Variants in SPRED1 observed in about 807,000 individuals in gnomAD.
SPRED1 encodes sprouty related EVH1 domain containing 1, also known as sprouty-related, EVH1 domain-containing protein 1.
A neutral mutation model predicts 52.3 loss-of-function variants in SPRED1; 18 were observed. The ratio of observed to expected loss-of-function variants is 0.34; its 90% CI spans 0.24 to 0.51. The LOEUF (loss-of-function observed/expected upper bound fraction) is 0.51. Among genes scored for constraint, SPRED1 ranks in the 20% least tolerant of loss-of-function variants. The pLI is 0.97. For missense variants in SPRED1, 485 were observed against 551.0 expected (o/e 0.88, Z 1.20); for synonymous variants, 155 against 179.7 (o/e 0.86, Z 1.10).
chr15:38,304,890 T>C (rs1895219083), intron 2 of SPRED1, among the ~76,000 whole-genome samples: 1 of 152,226 alleles, frequency 6.6e-6, no homozygotes, highest in Non-Finnish European at 1.5e-5. Context: ...ATTGTTTTCT[T>C]TTTTAATTTA....
chr15:38,340,691 C>T (rs73400407), intron 5 of SPRED1, among the ~76,000 whole-genome samples: 2 of 152,020 alleles, frequency 1.3e-5, no homozygotes, highest in Non-Finnish European at 2.9e-5. Flanking sequence ...TGCCACCACA[C>T]GTGGCTAATT....
intron 2 of SPRED1, among the ~76,000 whole-genome samples, chr15:38,300,198 T>C (rs1463809893): frequency 6.6e-6 from 1 of 152,176 alleles, no homozygotes; most frequent in South Asian, 2.1e-4. Context: ...GATAATGTTA[T>C]TTGCTCTTTT....
intron 1 of SPRED1, among the ~76,000 whole-genome samples, chr15:38,273,229 T>C (rs1353058089): frequency 6.6e-6 from 1 of 152,206 alleles, no homozygotes; most frequent in East Asian, 1.9e-4. Context: ...GCTAGCCATA[T>C]GCAGAAGAAT....
At chr15:38,292,616 C>T (rs1372855423) in intron 1 of SPRED1, among the ~76,000 whole-genome samples, 1 of 152,168 alleles carries the variant, frequency 6.6e-6, no homozygotes, top group Non-Finnish European at 1.5e-5. Flanking sequence ...CCCATCAGAT[C>T]TCATGAGACT....
At chr15:38,267,654 A>T (rs867789925) in intron 1 of SPRED1, among the ~76,000 whole-genome samples, 1 of 152,200 alleles carries the variant, frequency 6.6e-6, no homozygotes, top group Admixed American at 6.5e-5. Context: ...CATTTCATGC[A>T]TTTAGTCTTT....
intron 1 of SPRED1, 69 bp from the exon 2 acceptor site, chr15:38,299,304 A>G: frequency 1.3e-6 from 2 of 1,546,152 alleles, no homozygotes; most frequent in Non-Finnish European, 1.8e-6. Context: ...GGTTTCTCAA[A>G]CAAGACTGAT....
At chr15:38,297,102 C>G (rs1370056620) in intron 1 of SPRED1, among the ~76,000 whole-genome samples, 4 of 152,308 alleles carry the variant, frequency 2.6e-5, no homozygotes, top group Non-Finnish European at 4.4e-5. Context: ...AGCCTCTGGA[C>G]TTTCAAGCCT....
chr15:38,274,932 C>T (rs1429675632), intron 1 of SPRED1, among the ~76,000 whole-genome samples: 2 of 152,186 alleles, frequency 1.3e-5, no homozygotes, highest in African/African-American at 4.8e-5. Flanking sequence ...AAATTTTCAT[C>T]ATTTGGTTAA....
intron 2 of SPRED1, among the ~76,000 whole-genome samples, chr15:38,310,632 A>AT (rs1161552942): frequency 6.6e-6 from 1 of 152,044 alleles, no homozygotes; most frequent in Non-Finnish European, 1.5e-5. Context: ...ACATTTTGTG[A>AT]TTTTCAACAC....
chr15:38,327,551 A>G (rs1895730019), intron 4 of SPRED1, among the ~76,000 whole-genome samples: 1 of 152,202 alleles, frequency 6.6e-6, no homozygotes, highest in African/African-American at 2.4e-5. Context: ...GGAGAGATGT[A>G]TGAAGAGATC....
intron 2 of SPRED1, among the ~76,000 whole-genome samples, chr15:38,308,013 T>C (rs1156799991): frequency 6.6e-6 from 1 of 152,180 alleles, no homozygotes; most frequent in Non-Finnish European, 1.5e-5. Context: ...ATATCTATTT[T>C]CTTTGGGAAT....
At chr15:38,320,234 C>G (rs1895574868) in intron 2 of SPRED1, among the ~76,000 whole-genome samples, 1 of 152,100 alleles carries the variant, frequency 6.6e-6, no homozygotes, top group African/African-American at 2.4e-5. Context: ...GCAGACCTCC[C>G]CTCCAAAAGT....
chr15:38,316,505 A>G (rs1285492761), intron 2 of SPRED1, among the ~76,000 whole-genome samples: 2 of 151,920 alleles, frequency 1.3e-5, no homozygotes, highest in Non-Finnish European at 2.9e-5. Context: ...ATTTGTTAAG[A>G]TCTGTGTTGG....
At position 38,330,563 on chromosome 15, in the gene SPRED1, A is replaced by G. The variant is rs116927166; in HGVS notation, c.423+5754A>G. Among the ~76,000 whole-genome samples, 863 of 152,090 alleles carry G rather than the reference A, an allele frequency of 5.7e-3. 19 individuals are homozygous for G. In the East Asian group the frequency reaches 0.06, roughly 11 times the overall value. On this transcript the variant is annotated intron_variant, in intron 4 of 6. Coordinates refer to ENST00000299084, the MANE Select transcript of SPRED1 (RefSeq NM_152594.3). ...AGAGTAATTTTTTTCCTTTTTTTCT[A>G]TGGTTCCTAAGCTAGCATAATTTGA...
At chr15:38,284,415 A>G (rs1261036529) in intron 1 of SPRED1, among the ~76,000 whole-genome samples, 1 of 152,180 alleles carries the variant, frequency 6.6e-6, no homozygotes, top group Non-Finnish European at 1.5e-5. Flanking sequence ...AGATTGCTGT[A>G]TAAGATGTAA....
At chr15:38,276,109 C>T (rs1894546703) in intron 1 of SPRED1, among the ~76,000 whole-genome samples, 1 of 151,862 alleles carries the variant, frequency 6.6e-6, no homozygotes, top group South Asian at 2.1e-4. Context: ...ATTGCAGTGC[C>T]AGAAATATTT....
chr15:38,269,780 C>A (rs1232763442), intron 1 of SPRED1, among the ~76,000 whole-genome samples: 1 of 152,034 alleles, frequency 6.6e-6, no homozygotes, highest in Non-Finnish European at 1.5e-5. Flanking sequence ...AGTTATTTGG[C>A]TGTACTTGAA....
chr15:38,349,006 C>T (rs1896198339), intron 5 of SPRED1, among the ~76,000 whole-genome samples: 1 of 152,020 alleles, frequency 6.6e-6, no homozygotes, highest in Non-Finnish European at 1.5e-5. Flanking sequence ...AATTCCATAT[C>T]ACTTCCCAAA....
intron 3 of SPRED1, among the ~76,000 whole-genome samples, chr15:38,322,738 A>T (rs981733729): frequency 1.3e-5 from 2 of 152,212 alleles, no homozygotes; most frequent in Non-Finnish European, 2.9e-5. Context: ...CCCAGTTGGT[A>T]TTCTACTTGT....
Sources: gnomAD v4.1 joint callset for allele counts (sites outside exome capture counted in the v4.1 genomes callset) on GRCh38, gnomAD v4.1.1 for gene constraint, MANE v1.5 for transcripts, NCBI Gene and HGNC (gene_info 2026-07-23, HGNC 2026-07-21) for gene names.